Variants in SPOCK1 observed in about 807,000 individuals in gnomAD.
The protein encoded by SPOCK1 is testican-1.
SPOCK1 carries 23 observed loss-of-function variants against 55.3 expected under a neutral mutation model. The ratio of observed to expected loss-of-function variants is 0.42; its 90% CI spans 0.30 to 0.59. SPOCK1 has a LOEUF of 0.59. Among genes scored for constraint, SPOCK1 ranks in the 20% least tolerant of loss-of-function variants. The pLI is 0.22. For missense variants in SPOCK1, 499 were observed against 552.5 expected (o/e 0.90, Z 0.97); for synonymous variants, 226 against 221.0 (o/e 1.02, Z -0.20).
chr5:137,473,655 G>A (rs574064234), intron 2 of SPOCK1, among the ~76,000 whole-genome samples: 61 of 152,224 alleles, frequency 4.0e-4, no homozygotes, highest in Non-Finnish European at 7.8e-4. Flanking sequence ...AAACCTAATC[G>A]TATATTAACA....
intron 3 of SPOCK1, among the ~76,000 whole-genome samples, chr5:137,236,370 C>G (rs1756181713): frequency 6.6e-6 from 1 of 152,218 alleles, no homozygotes; most frequent in African/African-American, 2.4e-5. Context: ...AATGGGAGCT[C>G]TTTTCACACA....
chr5:137,410,177 C>T (rs1752179964), intron 2 of SPOCK1, among the ~76,000 whole-genome samples: 1 of 152,222 alleles, frequency 6.6e-6, no homozygotes, highest in Non-Finnish European at 1.5e-5. Context: ...TATTATCATG[C>T]TCCTGATATT....
chr5:136,995,216 A>G (rs191596480), intron 6 of SPOCK1, among the ~76,000 whole-genome samples: 24 of 152,224 alleles, frequency 1.6e-4, no homozygotes, highest in African/African-American at 5.3e-4. Context: ...CTGCCATCCA[A>G]GTTTGTTCCC....
chr5:137,060,225 A>G lies in SPOCK1; in HGVS notation c.589+7490T>C, dbSNP rs116732459. ...AAAGCCCATCAGTGGTAAACTGCAT[A>G]AATAAAATGTGGTACACATGTACCA... On this transcript the variant is annotated intron_variant, in intron 6 of 10. Transcript: ENST00000394945. 5.5e-3 allele frequency among the ~76,000 whole-genome samples: 833 copies of G among 152,344 alleles called. 4 individuals carry two copies. Among genetic ancestry groups the G allele is most frequent in the Middle Eastern group, 0.024 (7 of 294 alleles).
chr5:137,356,836 T>TATATATATAG (rs1750823621), intron 2 of SPOCK1, among the ~76,000 whole-genome samples: 1 of 8,768 alleles, frequency 1.1e-4, no homozygotes, highest in Non-Finnish European at 2.1e-4. Flanking sequence ...TATATATATA[T>TATATATATAG]ATAGAGAGAG....
intron 2 of SPOCK1, among the ~76,000 whole-genome samples, chr5:137,319,541 T>C (rs1208673915): frequency 6.6e-6 from 1 of 152,230 alleles, no homozygotes; most frequent in African/African-American, 2.4e-5. Context: ...GATGCTAGGA[T>C]ACACTTTTAT....
intron 2 of SPOCK1, among the ~76,000 whole-genome samples, chr5:137,354,741 G>A (rs1197054554): frequency 1.3e-5 from 2 of 152,150 alleles, no homozygotes; most frequent in Admixed American, 6.5e-5. Context: ...TAACCTTCCT[G>A]AGGACAGAGC....
Position 137,303,210 on chromosome 5 carries a change from G to A in SPOCK1, c.187-36155C>T, listed in dbSNP as rs139345510. ...TTGTGACTAGATTAATGATGTATAT[G>A]TAGAAAAAAGAGACATTAAGTAACA... On this transcript the variant is annotated intron_variant, in intron 2 of 10. Coordinates refer to ENST00000394945, the MANE Select transcript of SPOCK1 (RefSeq NM_004598.4). 1.1e-3 allele frequency among the ~76,000 whole-genome samples: 172 copies of A among 152,208 alleles called. 4 individuals carry two copies. In the Middle Eastern group the frequency reaches 0.014, roughly 12 times the overall value.
chr5:137,111,340 A>T (rs1753465948), intron 5 of SPOCK1, among the ~76,000 whole-genome samples: 1 of 152,148 alleles, frequency 6.6e-6, no homozygotes, highest in Non-Finnish European at 1.5e-5. Flanking sequence ...CATGGGCTCC[A>T]CTCTGCAAGT....
chr5:137,331,055 A>G (rs1281783298), intron 2 of SPOCK1, among the ~76,000 whole-genome samples: 1 of 152,212 alleles, frequency 6.6e-6, no homozygotes, highest in African/African-American at 2.4e-5. Flanking sequence ...TCCTAGCCTA[A>G]CTGAACTTCC....
At chr5:136,996,504 T>C (rs955048863) in intron 6 of SPOCK1, among the ~76,000 whole-genome samples, 3 of 152,160 alleles carry the variant, frequency 2.0e-5, no homozygotes, top group Non-Finnish European at 4.4e-5. Context: ...TCTCCCATTT[T>C]CAATTACATT....
intron 6 of SPOCK1, among the ~76,000 whole-genome samples, chr5:137,037,876 C>T (rs951406928): frequency 2.0e-5 from 3 of 152,144 alleles, no homozygotes; most frequent in African/African-American, 7.2e-5. Context: ...GGAATGCAGC[C>T]AGTAGCTGCA....
chr5:137,168,399 A>G (rs777971043), intron 3 of SPOCK1, among the ~76,000 whole-genome samples: 1 of 152,134 alleles, frequency 6.6e-6, no homozygotes, highest in Non-Finnish European at 1.5e-5. Flanking sequence ...AAAACTATCA[A>G]CAAAGTGAAG....
chr5:137,110,959 G>A (rs573776324), intron 5 of SPOCK1, among the ~76,000 whole-genome samples: 1 of 152,086 alleles, frequency 6.6e-6, no homozygotes, highest in Non-Finnish European at 1.5e-5. Flanking sequence ...TTTCCTGTTT[G>A]TAAGAAGCAC....
chr5:137,369,399 G>A (rs527538318), intron 2 of SPOCK1, among the ~76,000 whole-genome samples: 9 of 152,168 alleles, frequency 5.9e-5, no homozygotes, highest in African/African-American at 2.2e-4. Context: ...CTTTGCAAGG[G>A]ACCCAAAAAT....
At chr5:136,988,789 G>T (rs2126961999) in intron 7 of SPOCK1, 146 bp from the exon 8 acceptor site, 1 of 624,614 alleles carries the variant, frequency 1.6e-6, no homozygotes. Context: ...CAGATTTAGT[G>T]GTTCTCTAGA....
At chr5:137,340,224 T>C (rs1157138280) in intron 2 of SPOCK1, among the ~76,000 whole-genome samples, 1 of 152,210 alleles carries the variant, frequency 6.6e-6, no homozygotes, top group East Asian at 1.9e-4. Flanking sequence ...AACAGTTGGA[T>C]GACACGCCCT....
At chr5:137,207,639 C>T (rs924377449) in intron 3 of SPOCK1, among the ~76,000 whole-genome samples, 1 of 151,996 alleles carries the variant, frequency 6.6e-6, no homozygotes, top group African/African-American at 2.4e-5. Context: ...GAGGAGGTGG[C>T]AATATGACTC....
chr5:137,122,259 A>ACG (rs1753700992), intron 4 of SPOCK1, among the ~76,000 whole-genome samples: 1 of 147,854 alleles, frequency 6.8e-6, no homozygotes, highest in African/African-American at 2.5e-5. Flanking sequence ...ACACACACGC[A>ACG]CACACACACA....
Sources: gnomAD v4.1 joint callset for allele counts (sites outside exome capture counted in the v4.1 genomes callset) on GRCh38, gnomAD v4.1.1 for gene constraint, MANE v1.5 for transcripts, NCBI Gene and HGNC (gene_info 2026-07-23, HGNC 2026-07-21) for gene names.